The following MIOS variants were observed in gnomAD, a reference collection of about 807,000 sequenced individuals.
MIOS encodes meiosis regulator for oocyte development.
Under a neutral mutation model 96.9 loss-of-function variants are expected in MIOS, and 52 were observed. That is an observed-to-expected ratio of 0.54 (90% CI 0.43 to 0.68). MIOS has a LOEUF of 0.68. Among genes scored for constraint, MIOS ranks in the 30% least tolerant of loss-of-function variants. The pLI, the probability that MIOS is intolerant of heterozygous loss-of-function variation, is 0.00. For missense variants in MIOS, 1,005 were observed against 1,052.8 expected, an observed-to-expected ratio of 0.95 and a Z score of 0.63; for synonymous variants, 397 against 359.5, an observed-to-expected ratio of 1.10 and a Z score of -1.18.
At position 7,606,089 on chromosome 7, in the gene MIOS, T is replaced by A. The variant is rs1005730519; in HGVS notation, c.2531+18T>A. 1 of 1,612,846 alleles carries A rather than the reference T, an allele frequency of 6.2e-7. No individual in the cohort carries two copies. Among genetic ancestry groups the A allele is most frequent in the Non-Finnish European group, 8.5e-7 (1 of 1,179,256 alleles). ...TGGTTCAGGTAATCAGCACATTTCT[T>A]CTTTGATAGGCTTGGAGTTATGGGG... is the stretch of plus-strand genomic sequence containing the variant. On this transcript the variant is annotated intron_variant, in intron 12 of 12. Transcript: ENST00000340080.
Position 7,588,559 on chromosome 7 carries a change from C to T in MIOS, c.1880C>T (p.Thr627Ile), listed in dbSNP as rs1220607883. Residue 627 changes from threonine (T) to isoleucine (I), a missense_variant, in exon 8 of 13, where the codon ACT becomes ATT. Coordinates refer to ENST00000340080, the MANE Select transcript of MIOS (RefSeq NM_019005.4). ...VAFACKFLSD[T>I]QLNRYIEKLT... ...TTTGCTTGTAAATTCCTTAGTGATACTCAGGTGAAAACTGATTTAATTCCA... is the reference window on the plus strand; with the variant it reads ...TTTGCTTGTAAATTCCTTAGTGATATTCAGGTGAAAACTGATTTAATTCCA... 3 of 1,584,440 alleles carry T rather than the reference C, an allele frequency of 1.9e-6. No homozygotes were observed. The highest frequency in any genetic ancestry group is 4.5e-5 in the East Asian group (2 of 44,110).
chr7:7,589,860 A>G (rs1462197392), intron 9 of MIOS, among the ~76,000 whole-genome samples: 1 of 152,204 alleles, frequency 6.6e-6, no homozygotes, highest in Non-Finnish European at 1.5e-5. Flanking sequence ...TTGTTGACAT[A>G]ACTGCATCTT....
chr7:7,595,213 G>A, intron 10 of MIOS, 81 bp downstream of exon 10: 1 of 1,447,430 alleles, frequency 6.9e-7, no homozygotes, highest in South Asian at 1.4e-5. Context: ...TCATTATTTT[G>A]CTTATATTGA....
At chr7:7,604,868 TGTAAA>T (rs1279342430) in intron 11 of MIOS, among the ~76,000 whole-genome samples, 8 of 152,032 alleles carry the variant, frequency 5.3e-5, no homozygotes, top group Admixed American at 1.3e-4. Context: ...TACACAAAGG[TGTAAA>T]GTAGTGTACA....
intron 5 of MIOS, among the ~76,000 whole-genome samples, chr7:7,577,411 C>CT (rs557846284): frequency 2.8e-4 from 43 of 152,200 alleles, no homozygotes; most frequent in Admixed American, 4.6e-4. Context: ...ATTATAAATA[C>CT]TTTTTTTGAA....
chr7:7,597,782 T>A (rs1424985723), intron 11 of MIOS, among the ~76,000 whole-genome samples: 1 of 151,702 alleles, frequency 6.6e-6, no homozygotes, highest in Non-Finnish European at 1.5e-5. Flanking sequence ...CACGGCAACC[T>A]CTGCCTACTG....
chr7:7,593,432 C>T (rs1477792074), intron 9 of MIOS, among the ~76,000 whole-genome samples: 14 of 151,966 alleles, frequency 9.2e-5, no homozygotes, highest in African/African-American at 2.4e-4. Context: ...GTAAGATATA[C>T]GCCAGGTTCT....
chr7:7,586,767 G>A (rs764797336), intron 7 of MIOS, among the ~76,000 whole-genome samples: 3 of 151,888 alleles, frequency 2.0e-5, no homozygotes, highest in Non-Finnish European at 4.4e-5. Flanking sequence ...TATAATGTTA[G>A]GACTTTATTT....
intron 5 of MIOS, chr7:7,582,833 T>C (rs569050119): frequency 4.2e-4 from 124 of 295,472 alleles, no homozygotes; most frequent in African/African-American, 2.5e-3. Flanking sequence ...AGTTAGATAA[T>C]AACAAGTATG....
intron 8 of MIOS, 97 bp downstream of exon 8, chr7:7,588,660 A>G: frequency 1.6e-6 from 1 of 636,288 alleles, no homozygotes; most frequent in Non-Finnish European, 2.4e-6. Flanking sequence ...TATGAGATTG[A>G]TAAGCTAATT....
chr7:7,574,157 G>C lies in MIOS; in HGVS notation c.1354G>C (p.Val452Leu), dbSNP rs763159686. Residue 452 changes from valine to leucine, a missense_variant, in exon 5 of 13, where the codon GTT becomes CTT. Val to Leu is a conservative substitution (Grantham distance 32). Around this residue, in one of 3 missense-constraint regions of MIOS, gnomAD observed 865 missense variants for 887.9 expected, o/e 0.97. Transcript: ENST00000340080. ...QKSPGNKGSL[V>L]YAGIKSIVKS... ...ATCTCCAGGCAACAAAGGATCATTG[G>C]TTTATGCAGGAATTAAATCAATTGT... 6.2e-7 allele frequency: 1 copy of C among 1,610,648 alleles called. No homozygotes were observed. Among genetic ancestry groups the C allele is most frequent in the Non-Finnish European group, 8.5e-7 (1 of 1,178,090 alleles).
chr7:7,606,732 T>G (rs1178145623), intron 12 of MIOS, among the ~76,000 whole-genome samples: 1 of 152,192 alleles, frequency 6.6e-6, no homozygotes, highest in Non-Finnish European at 1.5e-5. Context: ...GCTTTTTTTC[T>G]CTGGGTTTTA....
Position 7,572,931 on chromosome 7 carries a change from T to G in MIOS, c.456T>G (p.Thr152=). The G allele has an allele frequency of 6.2e-7, 1 of 1,614,126 alleles. No individual in the cohort carries two copies. Among genetic ancestry groups the G allele is most frequent in the African/African-American group, 1.3e-5 (1 of 75,044 alleles). Residue 152 remains threonine (T), a synonymous_variant, in exon 4 of 13, where the codon ACT becomes ACG. Coordinates refer to ENST00000340080, the MANE Select transcript of MIOS (RefSeq NM_019005.4). The surrounding 1 kb of genome is among the most constrained non-coding windows in gnomAD (Gnocchi z 4.8). ...TATGGGATATCTGCAGCAAATATAC[T>G]CCTGATATAGTTCCCATGGAAAAAG... ...VLIWDICSKY[T]PDIVPMEKVK... is the part of the protein sequence containing the mutation.
chr7:7,603,087 T>C (rs2115501214), intron 11 of MIOS, among the ~76,000 whole-genome samples: 1 of 152,280 alleles, frequency 6.6e-6, no homozygotes, highest in South Asian at 2.1e-4. Context: ...GATTAAAGAC[T>C]TAAACGTTAG....
chr7:7,604,825 C>G (rs925453770), intron 11 of MIOS, among the ~76,000 whole-genome samples: 3 of 152,122 alleles, frequency 2.0e-5, no homozygotes, highest in African/African-American at 7.2e-5. Context: ...TTAGAAGTTA[C>G]AAAAACAAAG....
chr7:7,572,435 G>T lies in MIOS; in HGVS notation c.-40-1G>T. On this transcript the variant is annotated splice_acceptor_variant, in intron 3 of 12. Coordinates refer to ENST00000340080, the MANE Select transcript of MIOS (RefSeq NM_019005.4). LOFTEE classifies it low-confidence loss of function (5UTR_SPLICE). The surrounding 1 kb of genome is among the most constrained non-coding windows in gnomAD (Gnocchi z 4.8). ...AACTTTTTATTTTTAAACATTTTCAGTGAATGGACCTGAGTGGACCCTTTG... is the reference window on the plus strand; with the variant it reads ...AACTTTTTATTTTTAAACATTTTCATTGAATGGACCTGAGTGGACCCTTTG... 1 of 1,430,156 alleles carries T rather than the reference G, an allele frequency of 7.0e-7. No individual in the cohort carries two copies. The allele number at this position is 1,430,156 out of a possible 1,614,324, so 88.6% of individuals were successfully genotyped here.
At chr7:7,567,331 T>TG (rs1208578679) in intron 1 of MIOS, 13 of 152,066 alleles carry the variant, frequency 8.5e-5, no homozygotes, top group Admixed American at 7.2e-4. Context: ...GGCGGGCTTG[T>TG]GGGGAGCGGC....
In MIOS at chr7:7,607,123, T is replaced by G; in HGVS notation, c.*31T>G. ...TACCACCTTAAGAGAACCCTTCAAG[T>G]GTGGAGCTTTCTAGTAGGTGTCCTT... On this transcript the variant is annotated 3_prime_UTR_variant, in exon 13 of 13. Coordinates refer to ENST00000340080, the MANE Select transcript of MIOS (RefSeq NM_019005.4). 6.5e-7 allele frequency: 1 copy of G among 1,549,382 alleles called. No individual in the cohort carries two copies. The highest frequency in any genetic ancestry group is 8.8e-7 in the Non-Finnish European group (1 of 1,134,070).
At chr7:7,606,173 T>C (rs1197792405) in intron 12 of MIOS, 102 bp downstream of exon 12, 11 of 1,458,994 alleles carry the variant, frequency 7.5e-6, no homozygotes, top group Non-Finnish European at 1.0e-5. Context: ...AGCCAAAGTA[T>C]GAATTTTATT....
Sources: allele counts gnomAD v4.1 joint callset (sites outside exome capture counted in the v4.1 genomes callset), GRCh38; gene constraint gnomAD v4.1.1; regional missense constraint gnomAD v4.1.1; non-coding constraint Gnocchi (gnomAD v3.1); transcripts MANE v1.5; gene names NCBI Gene and HGNC (gene_info 2026-07-23, HGNC 2026-07-21).